The following ACOXL variants were observed in gnomAD, a reference collection of about 807,000 sequenced individuals.
ACOXL encodes the protein acyl-CoA oxidase like.
ACOXL carries 70 observed loss-of-function variants against 71.9 expected under a neutral mutation model. The ratio of observed to expected loss-of-function variants is 0.97; its 90% CI spans 0.80 to 1.19. The LOEUF (loss-of-function observed/expected upper bound fraction) is 1.19. ACOXL is among the 50% of genes most tolerant of loss of function. The pLI, the probability that ACOXL is intolerant of heterozygous loss-of-function variation, is 0.00. For synonymous variants in ACOXL, 253 were observed against 281.6 expected (o/e 0.90, Z 1.02); for missense variants, 703 against 736.3 (o/e 0.95, Z 0.52).
At chr2:110,840,530 T>A (rs1243868766) in intron 9 of ACOXL, among the ~76,000 whole-genome samples, 1 of 152,208 alleles carries the variant, frequency 6.6e-6, no homozygotes, top group Non-Finnish European at 1.5e-5. Context: ...ATTTTACAGT[T>A]GGGAAAATTA....
chr2:110,854,384 A>G (rs977133573), intron 10 of ACOXL, among the ~76,000 whole-genome samples: 2 of 152,098 alleles, frequency 1.3e-5, no homozygotes, highest in African/African-American at 4.8e-5. Flanking sequence ...CACCAGGTGG[A>G]CTTGGGGATT....
At chr2:110,955,933 A>ATTTTTTTT (rs67285328) in intron 12 of ACOXL, among the ~76,000 whole-genome samples, 6 of 101,766 alleles carry the variant, frequency 5.9e-5, no homozygotes, top group Non-Finnish European at 9.6e-5. Flanking sequence ...CTTGCCACAG[A>ATTTTTTTT]TTTTTTTTTT....
chr2:111,022,452 G>T, intron 14 of ACOXL, among the ~76,000 whole-genome samples: 1 of 142,874 alleles, frequency 7.0e-6, no homozygotes, highest in Non-Finnish European at 1.5e-5. Context: ...CACACACAAA[G>T]GCACACACAA....
chr2:110,917,271 T>C (rs2059896221), intron 11 of ACOXL, among the ~76,000 whole-genome samples: 1 of 152,230 alleles, frequency 6.6e-6, no homozygotes, highest in East Asian at 1.9e-4. Context: ...ATAAACATAA[T>C]CCATCACATA....
chr2:110,738,652 A>T (rs1677157912), intron 1 of ACOXL, among the ~76,000 whole-genome samples: 1 of 152,170 alleles, frequency 6.6e-6, no homozygotes, highest in African/African-American at 2.4e-5. Flanking sequence ...TTGTTGTATT[A>T]TAGAATTTCA....
rs117696892 is a variant in ACOXL, at chr2:110,990,705, G to A, written c.1169+3488G>A. The stretch of plus-strand genomic sequence containing the variant: ...GCTTATACATTTTAAATGTATTTTT[G>A]TCATTACCAGATTAATTTTATCAAA... On this transcript the variant is annotated intron_variant, in intron 13 of 17. Coordinates refer to ENST00000439055, the MANE Select transcript of ACOXL (RefSeq NM_001142807.4). Among the ~76,000 whole-genome samples, 394 of 152,146 alleles carry A rather than the reference G, an allele frequency of 2.6e-3. 9 individuals are homozygous for A. In the East Asian group the frequency reaches 0.049, roughly 19 times the overall value.
chr2:110,785,333 C>A (rs1244607563), intron 3 of ACOXL, among the ~76,000 whole-genome samples: 1 of 151,546 alleles, frequency 6.6e-6, no homozygotes, highest in African/African-American at 2.4e-5. Flanking sequence ...AGGACATAGA[C>A]CCTATTCAGA....
chr2:111,109,104 C>T (rs2069761515), intron 17 of ACOXL, among the ~76,000 whole-genome samples: 1 of 152,158 alleles, frequency 6.6e-6, no homozygotes, highest in South Asian at 2.1e-4. Flanking sequence ...CTGCATCATT[C>T]CATAGGTATT....
At chr2:110,919,162 C>G (rs952125297) in intron 11 of ACOXL, among the ~76,000 whole-genome samples, 4 of 152,118 alleles carry the variant, frequency 2.6e-5, no homozygotes, top group African/African-American at 4.8e-5. Flanking sequence ...AATCCAAATG[C>G]CCATCAATGA....
intron 1 of ACOXL, among the ~76,000 whole-genome samples, chr2:110,756,742 T>C (rs2104859565): frequency 6.6e-6 from 1 of 152,332 alleles, no homozygotes; most frequent in Non-Finnish European, 1.5e-5. Context: ...GTCTTACATA[T>C]ATTAAATTTC....
At chr2:111,088,589 C>T (rs1412202149) in intron 16 of ACOXL, among the ~76,000 whole-genome samples, 2 of 152,044 alleles carry the variant, frequency 1.3e-5, no homozygotes, top group African/African-American at 2.4e-5. Context: ...AATGAGAACA[C>T]ATGGACACAC....
intron 10 of ACOXL, among the ~76,000 whole-genome samples, chr2:110,899,289 T>C (rs2341897): frequency 0.31 from 47,735 of 152,054 alleles, 7,807 homozygotes; most frequent in Middle Eastern, 0.38. Context: ...CACTCTGAAG[T>C]GCATTTGATT....
At chr2:111,031,105 G>C (rs1405615301) in intron 14 of ACOXL, among the ~76,000 whole-genome samples, 1 of 152,170 alleles carries the variant, frequency 6.6e-6, no homozygotes, top group African/African-American at 2.4e-5. Flanking sequence ...CATCACTCTG[G>C]ATCCTATCTC....
chr2:110,926,202 C>T (rs984793827), intron 11 of ACOXL, among the ~76,000 whole-genome samples: 13 of 152,130 alleles, frequency 8.5e-5, no homozygotes, highest in African/African-American at 3.1e-4. Flanking sequence ...GTGAGAATTA[C>T]CAAAACGTCA....
chr2:110,749,530 A>G (rs1472503444), intron 1 of ACOXL, among the ~76,000 whole-genome samples: 1 of 152,200 alleles, frequency 6.6e-6, no homozygotes, highest in Non-Finnish European at 1.5e-5. Context: ...GTTCGAGAGC[A>G]GCTTGGCCAA....
chr2:111,009,680 GT>G (rs1259688746), intron 14 of ACOXL, among the ~76,000 whole-genome samples: 1 of 152,164 alleles, frequency 6.6e-6, no homozygotes, highest in African/African-American at 2.4e-5. Flanking sequence ...ATATCCATGA[GT>G]GGATAAGATG....
chr2:110,742,730 T>C (rs773865279), intron 1 of ACOXL, among the ~76,000 whole-genome samples: 12 of 152,188 alleles, frequency 7.9e-5, no homozygotes, highest in Non-Finnish European at 1.5e-4. Context: ...TTTGAGTGCA[T>C]ACAAAGATAA....
At chr2:111,047,296 A>G (rs2066063674) in intron 15 of ACOXL, among the ~76,000 whole-genome samples, 1 of 152,254 alleles carries the variant, frequency 6.6e-6, no homozygotes. Context: ...GTATGAACAC[A>G]GGGTCACCAC....
chr2:110,984,931 G>A (rs961075625), intron 12 of ACOXL, among the ~76,000 whole-genome samples: 4 of 152,178 alleles, frequency 2.6e-5, no homozygotes, highest in African/African-American at 7.2e-5. Context: ...AAGACAGCAA[G>A]CCAGTAAACA....
Sources: gnomAD v4.1 joint callset for allele counts (sites outside exome capture counted in the v4.1 genomes callset) on GRCh38, gnomAD v4.1.1 for gene constraint, MANE v1.5 for transcripts, NCBI Gene and HGNC (gene_info 2026-07-23, HGNC 2026-07-21) for gene names.